Variants in CD99L2 observed in about 807,000 individuals in gnomAD.
CD99L2 encodes the protein CD99 antigen-like protein 2.
A neutral mutation model predicts 27.3 loss-of-function variants in CD99L2; 24 were observed. The observed-to-expected ratio is 0.88, with a 90% confidence interval of 0.64 to 1.24. The LOEUF is 1.24. Ranked by LOEUF, CD99L2 falls within the 50% of genes most tolerant of loss-of-function variation. The pLI is 0.00. For missense variants in CD99L2, 255 were observed against 221.6 expected (o/e 1.15, Z -0.96); for synonymous variants, 97 against 87.9 (o/e 1.10, Z -0.58).
intron 9 of CD99L2, chrX:150,771,773 A>G: frequency 4.3e-6 from 5 of 1,153,695 alleles, no homozygotes; most frequent in Non-Finnish European, 5.7e-6. Context: ...GGCTGAAGCA[A>G]AAGGAAAGTG....
intron 1 of CD99L2, among the ~76,000 whole-genome samples, chrX:150,844,556 C>T (rs1361422236): frequency 4.7e-4 from 53 of 112,061 alleles, no homozygotes; most frequent in Admixed American, 2.6e-3. Context: ...GATTTGAACA[C>T]ATTTGTCTTG....
At chrX:150,888,443 A>G (rs1353548857) in intron 1 of CD99L2, among the ~76,000 whole-genome samples, 2 of 111,989 alleles carry the variant, frequency 1.8e-5, no homozygotes, top group Admixed American at 1.9e-4. Context: ...AAGGACAAAT[A>G]CTACCTGATT....
At chrX:150,860,689 GA>G (rs782341593) in intron 1 of CD99L2, among the ~76,000 whole-genome samples, 1 of 111,204 alleles carries the variant, frequency 9.0e-6, no homozygotes, top group East Asian at 2.8e-4. Flanking sequence ...AACCAAAAAA[GA>G]AATCAAGAAG....
chrX:150,787,046 G>A (rs11796117), intron 7 of CD99L2, among the ~76,000 whole-genome samples: 24,231 of 110,841 alleles, frequency 0.22, 1,963 homozygotes, highest in Middle Eastern at 0.28. Context: ...TCTTTTGCCC[G>A]CTTTTTAATG....
chrX:150,882,692 T>C (rs1569566151), intron 1 of CD99L2, among the ~76,000 whole-genome samples: 1 of 109,746 alleles, frequency 9.1e-6, no homozygotes, highest in Non-Finnish European at 1.9e-5. Flanking sequence ...TAAAAAAAAA[T>C]TATATTCAAA....
At chrX:150,784,150 T>G (rs1284711968) in intron 7 of CD99L2, among the ~76,000 whole-genome samples, 2 of 110,673 alleles carry the variant, frequency 1.8e-5, no homozygotes, top group African/African-American at 6.6e-5. Context: ...ATGGCCTCTT[T>G]CCCCAGCCAG....
intron 4 of CD99L2, among the ~76,000 whole-genome samples, chrX:150,811,904 G>C (rs933174835): frequency 8.0e-5 from 9 of 112,276 alleles, no homozygotes; most frequent in African/African-American, 2.9e-4. Context: ...GCTCATGCCT[G>C]TAATCCTAGC....
chrX:150,773,940 C>T (rs1444687157), intron 9 of CD99L2, among the ~76,000 whole-genome samples: 5 of 111,587 alleles, frequency 4.5e-5, no homozygotes, highest in African/African-American at 1.3e-4. Flanking sequence ...CGAACCAAAC[C>T]TCCTTGCCAC....
intron 1 of CD99L2, among the ~76,000 whole-genome samples, chrX:150,881,241 G>A (rs2047320264): frequency 1.8e-5 from 2 of 111,201 alleles, no homozygotes; most frequent in Non-Finnish European, 3.8e-5. Context: ...CCCACTCTGT[G>A]GCCTTGGCTC....
At chrX:150,854,623 G>T (rs1390166462) in intron 1 of CD99L2, among the ~76,000 whole-genome samples, 1 of 111,234 alleles carries the variant, frequency 9.0e-6, no homozygotes, top group Non-Finnish European at 1.9e-5. Flanking sequence ...CTGCTATCTT[G>T]GGCATTTGAA....
chrX:150,872,768 A>G (rs1357990614), intron 1 of CD99L2, among the ~76,000 whole-genome samples: 1 of 110,998 alleles, frequency 9.0e-6, no homozygotes, highest in African/African-American at 3.3e-5. Context: ...AAAGACATCA[A>G]TTCTCCCTCT....
At chrX:150,848,813 C>A (rs2046745514) in intron 1 of CD99L2, among the ~76,000 whole-genome samples, 1 of 111,513 alleles carries the variant, frequency 9.0e-6, no homozygotes, top group African/African-American at 3.3e-5. Flanking sequence ...TTTGGAAGTA[C>A]ATTCATTCGT....
intron 4 of CD99L2, 104 bp downstream of exon 4, chrX:150,814,758 G>T: frequency 1.4e-6 from 1 of 711,793 alleles, no homozygotes; most frequent in Non-Finnish European, 2.2e-6. Context: ...GGCTTGAAGT[G>T]CCTCCACCTC....
intron 9 of CD99L2, among the ~76,000 whole-genome samples, chrX:150,774,505 C>CAT (rs1360447553): frequency 2.7e-5 from 3 of 112,016 alleles, no homozygotes; most frequent in Non-Finnish European, 3.8e-5. Context: ...CCAGAATCCC[C>CAT]ATCTCGTTCC....
At chrX:150,886,866 C>T (rs1253633845) in intron 1 of CD99L2, among the ~76,000 whole-genome samples, 1 of 111,984 alleles carries the variant, frequency 8.9e-6, no homozygotes, top group African/African-American at 3.2e-5. Context: ...GCTCAATAGT[C>T]TATCTAGGAG....
At chrX:150,878,733 TCA>T (rs1180280597) in intron 1 of CD99L2, among the ~76,000 whole-genome samples, 14 of 111,707 alleles carry the variant, frequency 1.3e-4, no homozygotes, top group African/African-American at 4.5e-4. Context: ...CCTGCCCCTA[TCA>T]GATTCTAAAA....
chrX:150,869,952 G>A (rs1426533633), intron 1 of CD99L2, among the ~76,000 whole-genome samples: 2 of 111,316 alleles, frequency 1.8e-5, no homozygotes, highest in East Asian at 5.6e-4. Context: ...CACTGCTGGT[G>A]AGGCATTTGA....
At position 150,867,808 on chromosome X, in the gene CD99L2, G is replaced by A. The variant is rs782398007; in HGVS notation, c.67+30714C>T. 2.2e-3 allele frequency among the ~76,000 whole-genome samples: 219 copies of A among 100,983 alleles called. 1 individual carries two copies. Among genetic ancestry groups the A allele is most frequent in the Non-Finnish European group, 3.4e-3 (174 of 50,871 alleles). 87.7% of individuals were successfully genotyped at this position (100,983 alleles called of 115,157 possible). ...CTCGGGAGGCTGAGGCAGGAGAATC[G>A]CTTGAACCCGGGAGGTGGAGGTTGT... On this transcript the variant is annotated intron_variant, in intron 1 of 10. Transcript: ENST00000370377.
intron 1 of CD99L2, among the ~76,000 whole-genome samples, chrX:150,853,784 C>T (rs2046828602): frequency 8.9e-6 from 1 of 111,988 alleles, no homozygotes; most frequent in Admixed American, 9.5e-5. Flanking sequence ...TTAGCTGAAA[C>T]AATCCAGTGC....
Sources: gnomAD v4.1 joint callset for allele counts (sites outside exome capture counted in the v4.1 genomes callset) on GRCh38, gnomAD v4.1.1 for gene constraint, MANE v1.5 for transcripts, NCBI Gene and HGNC (gene_info 2026-07-23, HGNC 2026-07-21) for gene names.